The following PKP4 variants were observed in gnomAD, a reference collection of about 807,000 sequenced individuals.
PKP4 encodes plakophilin-4.
Under a neutral mutation model 145.1 loss-of-function variants are expected in PKP4, and 90 were observed. That is an observed-to-expected ratio of 0.62 (90% confidence interval 0.52 to 0.74). The LOEUF (loss-of-function observed/expected upper bound fraction) is 0.74, where lower values mean the gene tolerates loss of function less well. Ranked by LOEUF, PKP4 falls within the 30% of genes least tolerant of loss-of-function variation. The pLI, the probability that PKP4 is intolerant of heterozygous loss-of-function variation, is 0.00. For missense variants in PKP4, 1,340 were observed against 1,482.7 expected (o/e 0.90, Z 1.58); for synonymous variants, 563 against 577.2 (o/e 0.98, Z 0.35).
chr2:158,519,145 C>CTT (rs200077006), intron 1 of PKP4, among the ~76,000 whole-genome samples: 1 of 145,582 alleles, frequency 6.9e-6, no homozygotes, highest in African/African-American at 2.5e-5. Flanking sequence ...AAATCTCTCT[C>CTT]TTTTTTTTTT....
chr2:158,521,532 T>C (rs773028189), intron 1 of PKP4, among the ~76,000 whole-genome samples: 27 of 152,198 alleles, frequency 1.8e-4, no homozygotes, highest in Non-Finnish European at 1.8e-4. Flanking sequence ...TGCCAAGAAA[T>C]TTGAATTATT....
intron 2 of PKP4, among the ~76,000 whole-genome samples, chr2:158,566,683 A>T (rs2047016008): frequency 6.6e-6 from 1 of 151,950 alleles, no homozygotes; most frequent in Admixed American, 6.6e-5. Flanking sequence ...TACAGCTTAC[A>T]CTCCTCCAAC....
chr2:158,462,097 C>T (rs982317642), intron 1 of PKP4, among the ~76,000 whole-genome samples: 6 of 152,178 alleles, frequency 3.9e-5, no homozygotes, highest in African/African-American at 1.4e-4. Flanking sequence ...TAGAAACCCA[C>T]AATCAGTTTA....
At chr2:158,653,010 C>A (rs2055541814) in intron 11 of PKP4, among the ~76,000 whole-genome samples, 1 of 152,154 alleles carries the variant, frequency 6.6e-6, no homozygotes, top group Admixed American at 6.6e-5. Flanking sequence ...AATGCAGGGG[C>A]CTGTCCAGTG....
chr2:158,612,494 G>A (rs565352075), intron 4 of PKP4, among the ~76,000 whole-genome samples: 2 of 152,228 alleles, frequency 1.3e-5, no homozygotes, highest in East Asian at 3.9e-4. Flanking sequence ...TAGGATTTCT[G>A]TAACTGAAAC....
intron 1 of PKP4, among the ~76,000 whole-genome samples, chr2:158,486,765 T>A (rs928819752): frequency 6.6e-6 from 1 of 152,250 alleles, no homozygotes; most frequent in Admixed American, 6.5e-5. Flanking sequence ...ATTGTCATGG[T>A]ATGGAATAAT....
intron 1 of PKP4, among the ~76,000 whole-genome samples, chr2:158,526,050 G>C (rs1024899245): frequency 1.3e-5 from 2 of 151,724 alleles, no homozygotes; most frequent in African/African-American, 4.9e-5. Flanking sequence ...AATTCTACCA[G>C]AGATACAAGG....
At chr2:158,632,332 T>C (rs561934215) in intron 8 of PKP4, 4 of 194,688 alleles carry the variant, frequency 2.1e-5, no homozygotes, top group Middle Eastern at 4.0e-3. Context: ...TTGGCCATCT[T>C]TGATTTAGCA....
intron 4 of PKP4, among the ~76,000 whole-genome samples, chr2:158,606,338 CA>C (rs562405491): frequency 5.2e-4 from 75 of 145,590 alleles, no homozygotes; most frequent in African/African-American, 1.2e-3. Context: ...GACTCCTTCT[CA>C]AAAAAAAAAA....
chr2:158,649,202 TATTACAG>T, intron 11 of PKP4, among the ~76,000 whole-genome samples: 1 of 152,142 alleles, frequency 6.6e-6, no homozygotes. Context: ...CTACCCCTGT[TATTACAG>T]ATTAGAAACC....
chr2:158,585,638 G>A (rs2105804562), intron 3 of PKP4, among the ~76,000 whole-genome samples: 1 of 152,248 alleles, frequency 6.6e-6, no homozygotes, highest in South Asian at 2.1e-4. Context: ...TTGAATGTTT[G>A]TGCTTTAACA....
At chr2:158,574,020 T>G (rs969969915) in intron 2 of PKP4, among the ~76,000 whole-genome samples, 8 of 152,240 alleles carry the variant, frequency 5.3e-5, no homozygotes, top group African/African-American at 1.9e-4. Flanking sequence ...TAGCTCTGTC[T>G]ACCAAATATG....
intron 3 of PKP4, among the ~76,000 whole-genome samples, chr2:158,583,858 T>C (rs2048549632): frequency 6.6e-6 from 1 of 152,158 alleles, no homozygotes; most frequent in Non-Finnish European, 1.5e-5. Context: ...TCTTATATTT[T>C]TATATTTTCT....
chr2:158,666,424 T>C lies in PKP4; in HGVS notation c.2589T>C (p.Tyr863=), dbSNP rs1338505129. The C allele has an allele frequency of 1.2e-6, 2 of 1,605,664 alleles. No individual in the cohort carries two copies. Among genetic ancestry groups the C allele is most frequent in the South Asian group, 2.2e-5 (2 of 88,948 alleles). Residue 863 remains tyrosine (Y), a synonymous_variant, in exon 16 of 22, where the codon TAT becomes TAC. Transcript: ENST00000389759. Reference sequence around the variant, plus strand: ...ATTTTTCTCACTAGTTTGCAGCATATATCCGGGCGGCCGTCCGAAAAGAAA... The same window carrying C: ...ATTTTTCTCACTAGTTTGCAGCATACATCCGGGCGGCCGTCCGAAAAGAAA... ...LSAGNWKFAA[Y]IRAAVRKEKG... is the part of the protein sequence containing the mutation.
At chr2:158,599,936 T>C (rs1432509300) in intron 3 of PKP4, among the ~76,000 whole-genome samples, 1 of 152,186 alleles carries the variant, frequency 6.6e-6, no homozygotes, top group African/African-American at 2.4e-5. Context: ...AAGGAGAGTT[T>C]TCAAAGATAT....
intron 13 of PKP4, 175 bp from the exon 14 acceptor site, chr2:158,662,721 GT>G (rs1462455069): frequency 7.7e-6 from 4 of 519,562 alleles, no homozygotes; most frequent in African/African-American, 7.6e-5. Flanking sequence ...TGTCATCTGG[GT>G]ATTCCACAAA....
intron 10 of PKP4, 124 bp from the exon 11 acceptor site, chr2:158,642,362 A>G: frequency 2.8e-6 from 2 of 715,486 alleles, no homozygotes; most frequent in Non-Finnish European, 4.4e-6. Context: ...ATTTGGAATA[A>G]AAAGTAACCT....
At chr2:158,517,686 C>T (rs1052576158) in intron 1 of PKP4, among the ~76,000 whole-genome samples, 25 of 151,690 alleles carry the variant, frequency 1.6e-4, no homozygotes, top group African/African-American at 4.1e-4. Flanking sequence ...GAGGCCCAGG[C>T]GGGTAGATAG....
chr2:158,578,475 A>T (rs1296319320), intron 3 of PKP4, among the ~76,000 whole-genome samples: 4 of 147,608 alleles, frequency 2.7e-5, no homozygotes, highest in African/African-American at 9.9e-5. Context: ...TTTCTAACTC[A>T]GACTTTGCAA....
Sources: allele counts gnomAD v4.1 joint callset (sites outside exome capture counted in the v4.1 genomes callset), GRCh38; gene constraint gnomAD v4.1.1; transcripts MANE v1.5; gene names NCBI Gene and HGNC (gene_info 2026-07-23, HGNC 2026-07-21).